Variants in DMD observed in about 807,000 individuals in gnomAD.
DMD encodes the protein dystrophin.
A neutral mutation model predicts 330.1 loss-of-function variants in DMD; 63 were observed. That is an observed-to-expected ratio of 0.19 (90% CI 0.16 to 0.24). The LOEUF (loss-of-function observed/expected upper bound fraction) is 0.24. DMD is among the 10% of genes least tolerant of loss of function. DMD has a pLI of 1.00. For synonymous variants in DMD, 1,223 were observed against 959.8 expected (o/e 1.27, Z -5.07); for missense variants, 3,344 against 2,684.1 (o/e 1.25, Z -5.43).
At chrX:32,946,542 T>A (rs1471786236) in intron 2 of DMD, among the ~76,000 whole-genome samples, 1 of 112,379 alleles carries the variant, frequency 8.9e-6, no homozygotes, top group Non-Finnish European at 1.9e-5. Context: ...TTATATCATA[T>A]GATCTACTAA....
chrX:32,986,078 G>T (rs925172727), intron 2 of DMD, among the ~76,000 whole-genome samples: 4 of 111,713 alleles, frequency 3.6e-5, no homozygotes, highest in African/African-American at 1.3e-4. Context: ...TCTGTAAAAT[G>T]GAGATAATAG....
intron 12 of DMD, among the ~76,000 whole-genome samples, chrX:32,613,097 A>G (rs1283551150): frequency 8.9e-6 from 1 of 112,099 alleles, no homozygotes; most frequent in African/African-American, 3.2e-5. Flanking sequence ...ACCACAGATC[A>G]TAAGTAGAGT....
intron 43 of DMD, among the ~76,000 whole-genome samples, chrX:32,241,257 C>G (rs892114191): frequency 8.9e-6 from 1 of 111,998 alleles, no homozygotes; most frequent in Non-Finnish European, 1.9e-5. Context: ...GCATCGCGTC[C>G]CGTGGTCTCC....
chrX:32,401,794 T>C (rs964532268), intron 30 of DMD, among the ~76,000 whole-genome samples: 4 of 112,778 alleles, frequency 3.5e-5, no homozygotes, highest in Non-Finnish European at 5.6e-5. Flanking sequence ...TTGCTACGCA[T>C]TGCATGCCTG....
At chrX:32,336,222 T>C in intron 41 of DMD, among the ~76,000 whole-genome samples, 1 of 110,674 alleles carries the variant, frequency 9.0e-6, no homozygotes, top group East Asian at 2.9e-4. Context: ...TTATATATGT[T>C]AGCCAGGCTG....
chrX:31,153,252 G>A (rs1009382116), intron 74 of DMD, among the ~76,000 whole-genome samples: 1 of 111,807 alleles, frequency 8.9e-6, no homozygotes, highest in Non-Finnish European at 1.9e-5. Flanking sequence ...ATGCATTAGG[G>A]CCATAGCTGC....
intron 1 of DMD, among the ~76,000 whole-genome samples, chrX:33,266,973 A>G (rs1449962918): frequency 9.0e-6 from 1 of 110,774 alleles, no homozygotes; most frequent in African/African-American, 3.3e-5. Flanking sequence ...TTTATTAAAC[A>G]TAGTACTGGA....
At chrX:32,848,292 C>T (rs780591489) in intron 3 of DMD, among the ~76,000 whole-genome samples, 2 of 111,718 alleles carry the variant, frequency 1.8e-5, no homozygotes, top group African/African-American at 3.3e-5. Flanking sequence ...ACAGGAGAAA[C>T]GAGATACACA....
intron 50 of DMD, among the ~76,000 whole-genome samples, chrX:31,804,980 T>C (rs1438414469): frequency 9.0e-6 from 1 of 111,185 alleles, no homozygotes; most frequent in Non-Finnish European, 1.9e-5. Context: ...GTTTTCTTAC[T>C]TTCTAGGAGT....
At chrX:32,322,791 T>C (rs180755152) in intron 41 of DMD, among the ~76,000 whole-genome samples, 16 of 110,425 alleles carry the variant, frequency 1.4e-4, no homozygotes, top group Non-Finnish European at 1.9e-5. Flanking sequence ...AAGAAAACAA[T>C]GGAAACTGGA....
chrX:32,424,792 T>TAAAA (rs201484279), intron 29 of DMD, among the ~76,000 whole-genome samples: 1 of 90,951 alleles, frequency 1.1e-5, no homozygotes. Context: ...AGAGAGATTG[T>TAAAA]AAAAAAAAAA....
At chrX:31,830,098 C>A (rs111294949) in intron 49 of DMD, among the ~76,000 whole-genome samples, 149 of 112,118 alleles carry the variant, frequency 1.3e-3, no homozygotes, top group African/African-American at 4.3e-3. Flanking sequence ...AGATGTGATG[C>A]TTACATAAGT....
intron 55 of DMD, among the ~76,000 whole-genome samples, chrX:31,580,004 G>A (rs2076270089): frequency 8.9e-6 from 1 of 111,881 alleles, no homozygotes; most frequent in African/African-American, 3.2e-5. Flanking sequence ...AAAGCCAGCA[G>A]GGGCTATCTT....
intron 55 of DMD, among the ~76,000 whole-genome samples, chrX:31,565,016 T>C (rs1278941630): frequency 2.7e-5 from 3 of 112,465 alleles, no homozygotes; most frequent in South Asian, 3.7e-4. Context: ...TAAATGACTG[T>C]TGAAGTCTTA....
At chrX:32,759,143 C>T (rs2071900455) in intron 7 of DMD, among the ~76,000 whole-genome samples, 1 of 112,101 alleles carries the variant, frequency 8.9e-6, no homozygotes, top group Admixed American at 9.5e-5. Flanking sequence ...CATTCATACA[C>T]TATAAAGTGA....
At chrX:32,463,670 T>C in intron 24 of DMD, 76 bp from the exon 25 acceptor site, 3 of 932,752 alleles carry the variant, frequency 3.2e-6, no homozygotes, top group South Asian at 6.4e-5. Context: ...AGCTAGAAAA[T>C]GTAAAATTGG....
At chrX:33,070,669 C>CTA (rs2094736229) in intron 1 of DMD, among the ~76,000 whole-genome samples, 7 of 45,654 alleles carry the variant, frequency 1.5e-4, no homozygotes, top group Admixed American at 5.9e-4. Context: ...CTCTCTCTCT[C>CTA]TCTCTATATA....
chrX:32,495,819 T>A (rs2043440205), intron 19 of DMD, among the ~76,000 whole-genome samples: 1 of 112,066 alleles, frequency 8.9e-6, no homozygotes, highest in African/African-American at 3.2e-5. Flanking sequence ...AAGTTTTAAG[T>A]ATCAATCATC....
intron 2 of DMD, among the ~76,000 whole-genome samples, chrX:32,893,604 TAAGCA>T (rs2085426012): frequency 8.9e-6 from 1 of 112,053 alleles, no homozygotes; most frequent in South Asian, 3.7e-4. Context: ...GTGGGGTTAT[TAAGCA>T]AAGTAGTAAA....
Sources: gnomAD v4.1 joint callset for allele counts (sites outside exome capture counted in the v4.1 genomes callset) on GRCh38, gnomAD v4.1.1 for gene constraint, MANE v1.5 for transcripts, NCBI Gene and HGNC (gene_info 2026-07-23, HGNC 2026-07-21) for gene names.